Variants in C8G observed in about 807,000 individuals in gnomAD.
C8G encodes complement C8 gamma chain, also known as complement component C8 gamma chain.
A neutral mutation model predicts 29.1 loss-of-function variants in C8G; 38 were observed. That is an observed-to-expected ratio of 1.31 (90% CI 1.01 to 1.71). The LOEUF is 1.71. Ranked by LOEUF, C8G falls within the 40% of genes most tolerant of loss-of-function variation. The pLI is 0.00. For synonymous variants in C8G, 158 were observed against 113.2 expected (o/e 1.40, Z -2.51); for missense variants, 300 against 267.4 (o/e 1.12, Z -0.85).
Position 136,945,882 on chromosome 9 carries a change from C to A in C8G, c.276-47C>A, listed in dbSNP as rs760703068. ...CCGGCTGTGGCCTGGACTAGGATTC[C>A]TGGTTGGGGTCTCCCAGCCTGTGGT... On this transcript the variant is annotated intron_variant, in intron 2 of 6. Transcript: ENST00000371634. The A allele has an allele frequency of 3.2e-6, 5 of 1,547,598 alleles. No homozygotes were observed. The South Asian group carries it at 5.9e-5, about 18-fold the overall frequency.
Position 136,945,609 on chromosome 9 carries a change from G to A in C8G, c.139-25G>A, listed in dbSNP as rs763310685. On this transcript the variant is annotated intron_variant, in intron 1 of 6. Coordinates refer to ENST00000371634, the MANE Select transcript of C8G (RefSeq NM_000606.3). ...TGAGGGGCCCTCCCACAGTGCCCTCGAGTTCTCCCATGGTCTGCCCCCAGT... is the reference window on the plus strand; with the variant it reads ...TGAGGGGCCCTCCCACAGTGCCCTCAAGTTCTCCCATGGTCTGCCCCCAGT... 10 of 1,602,678 alleles carry A rather than the reference G, an allele frequency of 6.2e-6. No individual in the cohort carries two copies. The East Asian group carries it at 9.0e-5, about 14-fold the overall frequency.
chr9:136,946,683 C>G lies in C8G; in HGVS notation c.589C>G (p.Leu197Val). The change falls in exon 6 of 7, where the codon CTG becomes GTG. Residue 197 changes from leucine (L) to valine (V), a missense_variant. Coordinates refer to ENST00000371634, the MANE Select transcript of C8G (RefSeq NM_000606.3). ...CGAGGCTGCAGACCAGTTCCACGTC[C>G]TGGACGGTGAGTGCACAGCGGGGCA... The part of the protein sequence containing the change: ...FCEAADQFHV[L>V]DEVRR 6.2e-7 allele frequency: 1 copy of G among 1,612,598 alleles called. No homozygotes were observed. The highest frequency in any genetic ancestry group is 8.5e-7 in the Non-Finnish European group (1 of 1,179,974).
intron 4 of C8G, 116 bp from the exon 5 acceptor site, chr9:136,946,349 G>A: frequency 2.1e-6 from 3 of 1,427,306 alleles, no homozygotes; most frequent in Non-Finnish European, 1.9e-6. Context: ...TGACAGACAG[G>A]CCTGGTGTGG....
chr9:136,945,243 A>G lies in C8G; in HGVS notation c.-78A>G. ...GACTTCCTGGGCTGGGCTCTGTGAC[A>G]GCAGAGTAGACTCTGTCCTGGGACT... On this transcript the variant is annotated 5_prime_UTR_variant, in exon 1 of 7. Transcript: ENST00000371634. 1 of 1,499,486 alleles carries G rather than the reference A, an allele frequency of 6.7e-7. No individual in the cohort carries two copies. The highest frequency in any genetic ancestry group is 8.9e-7 in the Non-Finnish European group (1 of 1,123,748). The allele number at this position is 1,499,486 out of a possible 1,614,324, so 92.9% of individuals were successfully genotyped here.
chr9:136,945,574 G>A (rs1851007553), intron 1 of C8G, 60 bp from the exon 2 acceptor site: 3 of 1,583,684 alleles, frequency 1.9e-6, no homozygotes, highest in South Asian at 1.1e-5. Context: ...GGGGTGTAGA[G>A]GGAAGCAGGT....
rs758933677 is a variant in C8G, at chr9:136,946,107, G to A, written c.369G>A (p.Val123=). 5 of 1,598,730 alleles carry A rather than the reference G, an allele frequency of 3.1e-6. No individual in the cohort carries two copies. The highest frequency in any genetic ancestry group is 4.5e-5 in the East Asian group (2 of 44,626). Residue 123 remains valine (V), a synonymous_variant, in exon 4 of 7, where the codon GTG becomes GTA. Transcript: ENST00000371634. ...CAGCCCGAGACGCCCGAGGGGCTGT[G>A]CACGTGGTTGTCGCTGAGACCGACT... ...LLQARDARGA[V]HVVVAETDYQ... is the part of the protein sequence containing the mutation.
rs1004106742 is a variant in C8G, at chr9:136,945,856, C to T, written c.276-73C>T. ...GCCCTGCTCTGGCCCCTGACCCCAC[C>T]CCGGCTGTGGCCTGGACTAGGATTC... On this transcript the variant is annotated intron_variant, in intron 2 of 6. Transcript: ENST00000371634. 24 of 1,541,662 alleles carry T rather than the reference C, an allele frequency of 1.6e-5. No individual in the cohort carries two copies. The African/African-American group carries it at 3.2e-4, about 20-fold the overall frequency.
At position 136,945,973 on chromosome 9, in the gene C8G, G is replaced by T. The variant is rs757849160; in HGVS notation, c.320G>T (p.Gly107Val). The T allele has an allele frequency of 1.5e-5, 24 of 1,575,646 alleles. No homozygotes were observed. Among genetic ancestry groups the T allele is most frequent in the Non-Finnish European group, 2.1e-5 (24 of 1,160,912 alleles). ...GTGCGCCAGCTCTATGGAGACACAG[G>T]GGTCCTCGGCCGCTTCCTGCTTCAA... is the stretch of plus-strand genomic sequence containing the variant. ...WQVRQLYGDT[G>V]VLGRFLLQAR... The change falls in exon 3 of 7, where the codon GGG becomes GTG. Residue 107 changes from glycine (G) to valine (V), a missense_variant. Transcript: ENST00000371634.
In C8G at chr9:136,945,251, A is replaced by C; in HGVS notation, c.-70A>C. Reference sequence around the variant, plus strand: ...GGGCTGGGCTCTGTGACAGCAGAGTAGACTCTGTCCTGGGACTTGGTGGTG... The same window carrying C: ...GGGCTGGGCTCTGTGACAGCAGAGTCGACTCTGTCCTGGGACTTGGTGGTG... On this transcript the variant is annotated 5_prime_UTR_variant, in exon 1 of 7. Coordinates refer to ENST00000371634, the MANE Select transcript of C8G (RefSeq NM_000606.3). The C allele has an allele frequency of 6.6e-7, 1 of 1,516,630 alleles. No individual in the cohort carries two copies. Among genetic ancestry groups the C allele is most frequent in the Non-Finnish European group, 8.8e-7 (1 of 1,130,918 alleles). The allele number at this position is 1,516,630 out of a possible 1,614,324, so 93.9% of individuals were successfully genotyped here. A position where few individuals can be genotyped will look rare whatever the true frequency, so the allele number is the denominator to read the frequency against.
intron 1 of C8G, 28 bp downstream of exon 1, chr9:136,945,486 C>T (rs1331752872): frequency 1.3e-6 from 2 of 1,551,336 alleles, no homozygotes; most frequent in Non-Finnish European, 1.7e-6. Flanking sequence ...TAGAGGGAGG[C>T]AGGTAGAAGT....
rs566621606 is a variant in C8G at position 136,945,640 on chromosome 9, G to A, written c.145G>A (p.Gly49Arg). 1.2e-6 allele frequency: 2 copies of A among 1,609,738 alleles called. No homozygotes were observed. The highest frequency in any genetic ancestry group is 1.7e-6 in the Non-Finnish European group (2 of 1,179,102). ...KANFDAQQFA[G>R]TWLLVAVGSA... ...TCCCATGGTCTGCCCCCAGTTTGCA[G>A]GGACCTGGCTCCTTGTGGCTGTGGG... is the stretch of plus-strand genomic sequence containing the variant. Residue 49 changes from glycine (G) to arginine (R), a missense_variant, in exon 2 of 7, where the codon GGG becomes AGG. Physicochemically the swap from Gly to Arg is moderately radical, Grantham distance 125 (BLOSUM62 -2). Transcript: ENST00000371634.
In C8G at chr9:136,945,406, C is replaced by T; in HGVS notation, c.86C>T (p.Pro29Leu). ...LGQKPQRPRR[P>L]ASPISTIQPK... is the part of the protein sequence containing the mutation. ...CAGAAGCCTCAGAGGCCACGCCGGCCCGCATCCCCCATCAGCACCATCCAG... is the reference window on the plus strand; with the variant it reads ...CAGAAGCCTCAGAGGCCACGCCGGCTCGCATCCCCCATCAGCACCATCCAG... The change falls in exon 1 of 7, where the codon CCC becomes CTC. Residue 29 changes from proline (P) to leucine (L), a missense_variant. Transcript: ENST00000371634. 6.2e-7 allele frequency: 1 copy of T among 1,603,064 alleles called. No individual in the cohort carries two copies. The highest frequency in any genetic ancestry group is 1.1e-5 in the South Asian group (1 of 89,302).
intron 4 of C8G, 23 bp from the exon 5 acceptor site, chr9:136,946,442 C>T (rs1287863972): frequency 1.3e-6 from 2 of 1,570,454 alleles, no homozygotes; most frequent in South Asian, 2.4e-5. Flanking sequence ...GCCAGGACCC[C>T]AGGAACCCTG....
At chr9:136,946,738 GCCA>G (rs746349068) in intron 6 of C8G, 27 bp from the exon 7 acceptor site, 1 of 1,608,320 alleles carries the variant, frequency 6.2e-7, no homozygotes, top group Admixed American at 1.7e-5. Context: ...GGGGGCCACT[GCCA>G]CCGGCTGAGT....
At chr9:136,945,529 T>TGTTGCGGGGGAGAGGGAAGCAGGTGAA (rs1851005564) in intron 1 of C8G, 71 bp downstream of exon 1, 1 of 1,525,786 alleles carries the variant, frequency 6.6e-7, no homozygotes, top group African/African-American at 1.4e-5. Context: ...AGGTAGAAGT[T>TGTTGCGGGGGAGAGGGAAGCAGGTGAA]GTTGCGGGGG....
In C8G at chr9:136,945,438, G is replaced by A. The variant is rs752306205; in HGVS notation, c.118G>A (p.Ala40Thr). Residue 40 changes from alanine to threonine, a missense_variant, in exon 1 of 7, where the codon GCC becomes ACC. By Grantham distance (58) the Ala-to-Thr change is moderately conservative. Coordinates refer to ENST00000371634, the MANE Select transcript of C8G (RefSeq NM_000606.3). Reference protein sequence around the residue: ...ASPISTIQPKANFDAQQFAGT... With the variant: ...ASPISTIQPKTNFDAQQFAGT... ...CCCCATCAGCACCATCCAGCCCAAG[G>A]CCAATTTTGATGCTCAGCAGGTAGA... 1 of 1,583,084 alleles carries A rather than the reference G, an allele frequency of 6.3e-7. No homozygotes were observed. Among genetic ancestry groups the A allele is most frequent in the Non-Finnish European group, 8.6e-7 (1 of 1,164,664 alleles).
chr9:136,946,030 G>A (rs1851025951), intron 3 of C8G, 31 bp downstream of exon 3: 2 of 1,595,870 alleles, frequency 1.3e-6, no homozygotes, highest in Non-Finnish European at 1.7e-6. Context: ...CATGTGGGTG[G>A]GGGATGACGC....
chr9:136,945,779 C>A lies in C8G; in HGVS notation c.275+9C>A. On this transcript the variant is annotated intron_variant, in intron 2 of 6. Coordinates refer to ENST00000371634, the MANE Select transcript of C8G (RefSeq NM_000606.3). ...AGTACCTTCCGAAAGCTGTGAGTCC[C>A]AGAGCAGCCCTGCACCCTAACCCCA... The A allele has an allele frequency of 6.5e-7, 1 of 1,548,286 alleles. No homozygotes were observed. Among genetic ancestry groups the A allele is most frequent in the Non-Finnish European group, 8.7e-7 (1 of 1,147,506 alleles).
Position 136,945,472 on chromosome 9 carries a change from G to A in C8G, c.138+14G>A, listed in dbSNP as rs375028358. The A allele has an allele frequency of 3.8e-6, 6 of 1,561,878 alleles. No individual in the cohort carries two copies. Among genetic ancestry groups the A allele is most frequent in the Non-Finnish European group, 5.2e-6 (6 of 1,152,492 alleles). On this transcript the variant is annotated intron_variant, in intron 1 of 6. Coordinates refer to ENST00000371634, the MANE Select transcript of C8G (RefSeq NM_000606.3). The stretch of plus-strand genomic sequence containing the variant: ...GATGCTCAGCAGGTAGAAGTTGGGG[G>A]GGGTAGAGGGAGGCAGGTAGAAGTT...
Sources: gnomAD v4.1 joint callset for allele counts on GRCh38, gnomAD v4.1.1 for gene constraint, MANE v1.5 for transcripts, NCBI Gene and HGNC (gene_info 2026-07-23, HGNC 2026-07-21) for gene names.